The following SAMD8 variants were observed in gnomAD, a reference collection of about 807,000 sequenced individuals.
The protein encoded by SAMD8 is sphingomyelin synthase-related protein 1.
In SAMD8, 20 loss-of-function variants were observed where a neutral mutation model predicts 42.0. The ratio of observed to expected loss-of-function variants is 0.48; its 90% CI spans 0.34 to 0.69. SAMD8 has a LOEUF of 0.69. Among genes scored for constraint, SAMD8 ranks in the 30% least tolerant of loss-of-function variants. The pLI is 0.01. For missense variants in SAMD8, 328 were observed against 511.6 expected (o/e 0.64, Z 3.46); for synonymous variants, 162 against 173.0 (o/e 0.94, Z 0.50).
intron 1 of SAMD8, among the ~76,000 whole-genome samples, chr10:75,124,348 C>T (rs1328463694): frequency 6.6e-6 from 1 of 152,184 alleles, no homozygotes; most frequent in East Asian, 1.9e-4. Flanking sequence ...CACCATGGCT[C>T]ATGCCTGTAA....
intron 2 of SAMD8, among the ~76,000 whole-genome samples, chr10:75,156,727 T>G (rs1840418431): frequency 1.3e-5 from 2 of 151,794 alleles, no homozygotes; most frequent in African/African-American, 4.8e-5. Flanking sequence ...ACAGCTGACA[T>G]GGACTCTAAA....
intron 2 of SAMD8, among the ~76,000 whole-genome samples, chr10:75,152,989 T>G (rs758808987): frequency 6.6e-6 from 1 of 152,154 alleles, no homozygotes; most frequent in Non-Finnish European, 1.5e-5. Context: ...TTTGGTTTTG[T>G]TTTTGTTTTT....
chr10:75,111,522 G>A, upstream of SAMD8: 2 of 1,230,564 alleles, frequency 1.6e-6, no homozygotes, highest in Middle Eastern at 3.2e-4. Flanking sequence ...AGCAGCTGCC[G>A]GCGCGGCGGT....
chr10:75,154,757 A>G (rs1188146739), intron 2 of SAMD8, among the ~76,000 whole-genome samples: 3 of 152,194 alleles, frequency 2.0e-5, no homozygotes, highest in Admixed American at 1.3e-4. Context: ...GGATGAGAAC[A>G]GTGGTAGAGG....
chr10:75,103,821 C>A, intron 1 of SAMD8: 3 of 1,178,782 alleles, frequency 2.5e-6, no homozygotes, highest in South Asian at 1.4e-5. Context: ...CTCCCCTCCC[C>A]ACTTTCCCAG....
At chr10:75,154,904 T>C (rs550198572) in intron 2 of SAMD8, among the ~76,000 whole-genome samples, 33 of 152,266 alleles carry the variant, frequency 2.2e-4, no homozygotes, top group Non-Finnish European at 4.4e-4. Flanking sequence ...TGTTTTTTGT[T>C]TTTTTTGAGA....
At chr10:75,154,012 C>A (rs1313500844) in intron 2 of SAMD8, among the ~76,000 whole-genome samples, 1 of 152,154 alleles carries the variant, frequency 6.6e-6, no homozygotes, top group East Asian at 1.9e-4. Context: ...ATGATCCACC[C>A]ACCTGGGCCT....
At chr10:75,099,619 G>A in exon 1 of SAMD8, 2 of 1,116,030 alleles carry the variant, frequency 1.8e-6, no homozygotes, top group Admixed American at 4.3e-5. Flanking sequence ...ACTGCAGTGG[G>A]CCCTCCGGTC....
At chr10:75,108,194 G>T (rs199564471), upstream of SAMD8, 274 of 1,605,254 alleles carry the variant, frequency 1.7e-4, no homozygotes, top group Non-Finnish European at 2.2e-4. Context: ...GCTCAAAGCG[G>T]TTGTTTGCCG....
At chr10:75,111,983 A>T (rs989264888) in intron 1 of SAMD8, among the ~76,000 whole-genome samples, 2 of 152,154 alleles carry the variant, frequency 1.3e-5, no homozygotes, top group African/African-American at 4.8e-5. Flanking sequence ...GGGAGGCTTG[A>T]AGAGCCCAGA....
chr10:75,105,611 C>T (rs1168271434), intron 1 of SAMD8: 1 of 1,489,922 alleles, frequency 6.7e-7, no homozygotes, highest in Non-Finnish European at 9.1e-7. Context: ...TAGGCCCTCA[C>T]CTGGCCTCTT....
At chr10:75,108,035 G>A, upstream of SAMD8, 2 of 1,613,762 alleles carry the variant, frequency 1.2e-6, no homozygotes, top group Non-Finnish European at 1.7e-6. Flanking sequence ...CAGCCGCAGA[G>A]GAGAAGTAGG....
intron 2 of SAMD8, among the ~76,000 whole-genome samples, chr10:75,154,836 T>A (rs563102026): frequency 6.6e-6 from 1 of 152,348 alleles, no homozygotes; most frequent in African/African-American, 2.4e-5. Context: ...AATTTGCTGA[T>A]GAATTTGGAT....
At chr10:75,158,599 AT>A (rs1470985230) in intron 2 of SAMD8, among the ~76,000 whole-genome samples, 4 of 152,164 alleles carry the variant, frequency 2.6e-5, no homozygotes, top group African/African-American at 9.7e-5. Flanking sequence ...CAAAAAAAAA[AT>A]AATAATAAAG....
upstream of SAMD8, among the ~76,000 whole-genome samples, chr10:75,111,060 G>A (rs879888251): frequency 3.9e-5 from 6 of 152,144 alleles, no homozygotes; most frequent in Admixed American, 2.6e-4. Flanking sequence ...AGGTGATCCC[G>A]CCTCAGCCTC....
At chr10:75,158,466 C>T (rs889171663) in intron 2 of SAMD8, among the ~76,000 whole-genome samples, 6 of 151,848 alleles carry the variant, frequency 4.0e-5, no homozygotes, top group African/African-American at 1.5e-4. Flanking sequence ...GTGGCATGCT[C>T]CTTTAGTCCC....
At chr10:75,144,622 CT>C (rs201466043) in intron 1 of SAMD8, among the ~76,000 whole-genome samples, 1 of 151,910 alleles carries the variant, frequency 6.6e-6, no homozygotes, top group Non-Finnish European at 1.5e-5. Context: ...TTAAAGTTCT[CT>C]TTTTTTTCTG....
At chr10:75,101,086 T>C (rs1225100833) in intron 1 of SAMD8, among the ~76,000 whole-genome samples, 1 of 150,768 alleles carries the variant, frequency 6.6e-6, no homozygotes, top group Non-Finnish European at 1.5e-5. Flanking sequence ...CAGTGAGGAG[T>C]GTGGGGAGAA....
chr10:75,168,901 A>G (rs1396062230), intron 4 of SAMD8, among the ~76,000 whole-genome samples: 1 of 152,134 alleles, frequency 6.6e-6, no homozygotes, highest in African/African-American at 2.4e-5. Flanking sequence ...GGCCGGGCGC[A>G]GTGGCTCATG....
Sources: allele counts gnomAD v4.1 joint callset (sites outside exome capture counted in the v4.1 genomes callset), GRCh38; gene constraint gnomAD v4.1.1; transcripts MANE v1.5; gene names NCBI Gene and HGNC (gene_info 2026-07-23, HGNC 2026-07-21).